Variants in LRIT1 observed in about 807,000 individuals in gnomAD.
LRIT1 encodes the protein leucine rich repeat, Ig-like and transmembrane domains 1.
A neutral mutation model predicts 24.0 loss-of-function variants in LRIT1; 23 were observed. That is an observed-to-expected ratio of 0.96 (90% CI 0.69 to 1.36). The LOEUF (loss-of-function observed/expected upper bound fraction) is 1.36. LRIT1 is among the 40% of genes most tolerant of loss of function. The pLI is 0.00. For synonymous variants in LRIT1, 361 were observed against 340.5 expected (o/e 1.06, Z -0.66); for missense variants, 846 against 806.3 (o/e 1.05, Z -0.60).
chr10:84,235,044 T>A (rs529530131), intron 2 of LRIT1, among the ~76,000 whole-genome samples: 60 of 152,240 alleles, frequency 3.9e-4, no homozygotes, highest in Non-Finnish European at 7.3e-4. Flanking sequence ...TGAGGGGTAC[T>A]ATGTGTCCTC....
Position 84,232,545 on chromosome 10 carries a change from G to A in LRIT1, c.1254C>T (p.Leu418=). Residue 418 remains leucine, a synonymous_variant, in exon 4 of 4, where the codon CTC becomes CTT. Transcript: ENST00000372105. ...CTGAGGGTCCTGCCCGCCCATCAGA[G>A]AGCTCTCCCAGGGCATCCATCTGGA... ...EHFQMDALGE[L]SDGRAGPSEA... is the part of the protein sequence containing the mutation. 3 of 1,614,166 alleles carry A rather than the reference G, an allele frequency of 1.9e-6. No individual in the cohort carries two copies. The highest frequency in any genetic ancestry group is 2.7e-5 in the African/African-American group (2 of 75,050).
At chr10:84,234,765 C>T (rs2132863936) in intron 2 of LRIT1, among the ~76,000 whole-genome samples, 1 of 152,304 alleles carries the variant, frequency 6.6e-6, no homozygotes, top group Admixed American at 6.5e-5. Flanking sequence ...TCACTGACCC[C>T]TGATCCTTGA....
intron 3 of LRIT1, among the ~76,000 whole-genome samples, chr10:84,233,619 T>C (rs1368655240): frequency 6.6e-6 from 1 of 152,222 alleles, no homozygotes; most frequent in Non-Finnish European, 1.5e-5. Context: ...ATTGGGTTGC[T>C]CTTTGAAGTT....
Position 84,232,555 on chromosome 10 carries a change from AG to A in LRIT1, c.1243del (p.Leu415TrpfsTer17). 2 of 1,614,122 alleles carry A rather than the reference AG, an allele frequency of 1.2e-6. No individual in the cohort carries two copies. The highest frequency in any genetic ancestry group is 1.7e-6 in the Non-Finnish European group (2 of 1,180,006). ...TGCCCGCCCATCAGAGAGCTCTCCC[AG>A]GGCATCCATCTGGAAGTGCTCAAGG... Reference protein sequence around the residue: ...LTLEHFQMDALGELSDGRAGP... With the variant: ...LTLEHFQMDAXGELSDGRAGP... On this transcript the variant is annotated frameshift_variant, in exon 4 of 4. Coordinates refer to ENST00000372105, the MANE Select transcript of LRIT1 (RefSeq NM_015613.3). LOFTEE classifies it low-confidence loss of function (END_TRUNC).
chr10:84,238,303 C>G (rs988187191), intron 1 of LRIT1, among the ~76,000 whole-genome samples: 1 of 150,670 alleles, frequency 6.6e-6, no homozygotes, highest in East Asian at 1.9e-4. Context: ...TGCAGTGAGC[C>G]GAGATCACCC....
chr10:84,236,020 G>A (rs1397040166), intron 2 of LRIT1, among the ~76,000 whole-genome samples: 1 of 151,746 alleles, frequency 6.6e-6, no homozygotes, highest in African/African-American at 2.4e-5. Context: ...TTGCCGGCCG[G>A]GTGCGGTGGC....
In LRIT1 at chr10:84,232,863, C is replaced by T. The variant is rs1842615585; in HGVS notation, c.936G>A (p.Leu312=). The change falls in exon 4 of 4, where the codon CTG becomes CTA. Residue 312 remains leucine, a synonymous_variant. Transcript: ENST00000372105. The part of the protein sequence containing the change: ...EVSSDGTSWT[L]LGLPAVSHLD... The stretch of plus-strand genomic sequence containing the variant: ...GGTGGGACACTGCAGGCAGGCCCAG[C>T]AGAGTCCAGCTCGTGCCGTCACTGG... The T allele has an allele frequency of 8.1e-6, 13 of 1,612,970 alleles. No homozygotes were observed. Among genetic ancestry groups the T allele is most frequent in the Non-Finnish European group, 1.1e-5 (13 of 1,180,006 alleles).
Position 84,237,486 on chromosome 10 carries a change from C to A in LRIT1, c.323G>T (p.Arg108Leu). The change falls in exon 2 of 4, where the codon CGC becomes CTC. Residue 108 changes from arginine to leucine, a missense_variant. By Grantham distance (102) the Arg-to-Leu change is moderately radical. Transcript: ENST00000372105. ...CCCGGGCAGCCGCAGCTCCCGCAGG[C>A]GTCGCAGGCCCCGCAGCATGAGGGC... The part of the protein sequence containing the change: ...LNALMLRGLR[R>L]LRELRLPGNR... 2 of 1,590,370 alleles carry A rather than the reference C, an allele frequency of 1.3e-6. No individual in the cohort carries two copies. The highest frequency in any genetic ancestry group is 1.7e-6 in the Non-Finnish European group (2 of 1,172,488).
In LRIT1 at chr10:84,237,204, G is replaced by A; in HGVS notation, c.589+16C>T. 1 of 1,540,734 alleles carries A rather than the reference G, an allele frequency of 6.5e-7. No individual in the cohort carries two copies. The highest frequency in any genetic ancestry group is 1.4e-5 in the African/African-American group (1 of 72,796). ...TAACTTGCCTAAGACCCCAGGTGAAGGTTGCCGACCCTTACCTAGGACCCG... is the reference window on the plus strand; with the variant it reads ...TAACTTGCCTAAGACCCCAGGTGAAAGTTGCCGACCCTTACCTAGGACCCG... On this transcript the variant is annotated intron_variant, in intron 2 of 3. Transcript: ENST00000372105.
chr10:84,241,252 C>G (rs1366704510), intron 1 of LRIT1, 66 bp downstream of exon 1: 1 of 1,608,952 alleles, frequency 6.2e-7, no homozygotes, highest in African/African-American at 1.3e-5. Context: ...CCAACTCCTC[C>G]CAACCCAGCC....
intron 1 of LRIT1, among the ~76,000 whole-genome samples, chr10:84,238,577 T>C (rs1320469694): frequency 1.3e-5 from 2 of 152,166 alleles, no homozygotes; most frequent in African/African-American, 4.8e-5. Context: ...GCTGGCTGTG[T>C]GTCCTTGAGT....
At chr10:84,233,934 T>C (rs3814208) in intron 3 of LRIT1, 139 bp downstream of exon 3, 276,008 of 677,788 alleles carry the variant, frequency 0.41, 62,449 homozygotes, top group African/African-American at 0.8. Context: ...GGGAAGCCCC[T>C]GTCAAACTCA....
rs1302150079 is a variant in LRIT1 at position 84,231,967 on chromosome 10, C to T, written c.1832G>A (p.Gly611Glu). 1 of 1,612,776 alleles carries T rather than the reference C, an allele frequency of 6.2e-7. No individual in the cohort carries two copies. Among genetic ancestry groups the T allele is most frequent in the African/African-American group, 1.3e-5 (1 of 75,026 alleles). The part of the protein sequence containing the change: ...ARSSVDFQAF[G>E]VKGGRRINEY... ...ATTGATTCTCCTGCCCCCTTTGACTCCAAAGGCCTGAAAGTCCACACTGGA... is the reference window on the plus strand; with the variant it reads ...ATTGATTCTCCTGCCCCCTTTGACTTCAAAGGCCTGAAAGTCCACACTGGA... The change falls in exon 4 of 4, where the codon GGA becomes GAA. Residue 611 changes from glycine to glutamate, a missense_variant. Physicochemically the swap from Gly to Glu is moderately conservative, Grantham distance 98. Transcript: ENST00000372105.
Position 84,237,271 on chromosome 10 carries a change from G to C in LRIT1, c.538C>G (p.His180Asp). ...LPQELIVSWA[H>D]LETGIFPPGH... is the part of the protein sequence containing the mutation. The stretch of plus-strand genomic sequence containing the variant: ...GGAGGAAAGATACCGGTCTCCAGGT[G>C]AGCCCAGGAGACGATGAGCTCCTGC... Residue 180 changes from histidine to aspartate, a missense_variant, in exon 2 of 4, where the codon CAC becomes GAC. Physicochemically the swap from His to Asp is moderately conservative, Grantham distance 81 (BLOSUM62 -1). Transcript: ENST00000372105. 1 of 1,550,918 alleles carries C rather than the reference G, an allele frequency of 6.4e-7. No homozygotes were observed. The highest frequency in any genetic ancestry group is 1.2e-5 in the South Asian group (1 of 84,050).
chr10:84,232,783 G>A lies in LRIT1; in HGVS notation c.1016C>T (p.Thr339Ile), dbSNP rs906486980. 4 of 1,613,792 alleles carry A rather than the reference G, an allele frequency of 2.5e-6. No individual in the cohort carries two copies. In the African/African-American group the frequency reaches 5.3e-5, roughly 22 times the overall value. Residue 339 changes from threonine to isoleucine, a missense_variant, in exon 4 of 4, where the codon ACT becomes ATT. Coordinates refer to ENST00000372105, the MANE Select transcript of LRIT1 (RefSeq NM_015613.3). ...QAKNFLGASE[T>I]VISLIVTEPP... The stretch of plus-strand genomic sequence containing the variant: ...CTCAGTGACAATCAAGGAGATAACA[G>A]TTTCAGAGGCTCCCAGGAAGTTCTT...
chr10:84,239,045 TC>T (rs2132868104), intron 1 of LRIT1, among the ~76,000 whole-genome samples: 1 of 152,340 alleles, frequency 6.6e-6, no homozygotes, highest in African/African-American at 2.4e-5. Flanking sequence ...ATCACCAGCA[TC>T]CCTCAGCATA....
In LRIT1 at chr10:84,241,305, C is replaced by T; in HGVS notation, c.122+13G>A. On this transcript the variant is annotated intron_variant, in intron 1 of 3. Coordinates refer to ENST00000372105, the MANE Select transcript of LRIT1 (RefSeq NM_015613.3). ...GAGGCTGGGCTGCCCGTCCCACGCA[C>T]CCGGTACCATACCTGGCCTTGCTGC... The T allele has an allele frequency of 1.2e-6, 2 of 1,613,892 alleles. No homozygotes were observed. Among genetic ancestry groups the T allele is most frequent in the East Asian group, 4.5e-5 (2 of 44,870 alleles).
intron 3 of LRIT1, 110 bp downstream of exon 3, chr10:84,233,963 C>A (rs1842625412): frequency 7.5e-6 from 8 of 1,065,646 alleles, no homozygotes; most frequent in Non-Finnish European, 1.0e-5. Flanking sequence ...AGGTGGAAGC[C>A]CAGCTTTGCT....
rs769465885 is a variant in LRIT1 at position 84,232,455 on chromosome 10, C to T, written c.1344G>A (p.Trp448Ter). 6.2e-7 allele frequency: 1 copy of T among 1,614,176 alleles called. No homozygotes were observed. Among genetic ancestry groups the T allele is most frequent in the East Asian group, 2.2e-5 (1 of 44,876 alleles). ...GDTYHSVSLVWKAPQAKNTTA... is the reference protein window; with the variant it reads ...GDTYHSVSLV Reference sequence around the variant, plus strand: ...TTGTGTTCTTAGCCTGGGGTGCCTTCCACACCAAGGACACGCTGTGGTAAG... The same window carrying T: ...TTGTGTTCTTAGCCTGGGGTGCCTTTCACACCAAGGACACGCTGTGGTAAG... The change falls in exon 4 of 4, where the codon TGG (tryptophan) becomes TGA (stop). Residue 448 changes from tryptophan to a stop codon, truncating the protein, a stop_gained. Coordinates refer to ENST00000372105, the MANE Select transcript of LRIT1 (RefSeq NM_015613.3). LOFTEE classifies it low-confidence loss of function (END_TRUNC).
Sources: gnomAD v4.1 joint callset for allele counts (sites outside exome capture counted in the v4.1 genomes callset) on GRCh38, gnomAD v4.1.1 for gene constraint, MANE v1.5 for transcripts, NCBI Gene and HGNC (gene_info 2026-07-23, HGNC 2026-07-21) for gene names.